Variants in ROBO2 observed in about 807,000 individuals in gnomAD.
ROBO2 encodes roundabout homolog 2.
Under a neutral mutation model 160.8 loss-of-function variants are expected in ROBO2, and 53 were observed. That is an observed-to-expected ratio of 0.33 (90% CI 0.26 to 0.41). The LOEUF is 0.41. Ranked by LOEUF, ROBO2 falls within the 10% of genes least tolerant of loss-of-function variation. The pLI is 1.00. For synonymous variants in ROBO2, 664 were observed against 611.7 expected, an observed-to-expected ratio of 1.09 and a Z score of -1.26; for missense variants, 1,577 against 1,722.4, an observed-to-expected ratio of 0.92 and a Z score of 1.49.
At chr3:75,989,043 T>C (rs915488249) in intron 2 of ROBO2, among the ~76,000 whole-genome samples, 1 of 152,252 alleles carries the variant, frequency 6.6e-6, no homozygotes, top group East Asian at 1.9e-4. Flanking sequence ...ATATGTTAGT[T>C]TTAAAAATGT....
intron 2 of ROBO2, among the ~76,000 whole-genome samples, chr3:76,649,301 A>G (rs2091141517): frequency 1.3e-5 from 2 of 152,170 alleles, no homozygotes; most frequent in Admixed American, 1.3e-4. Flanking sequence ...GCAGAGTGCT[A>G]TGTTGTCCTA....
At chr3:76,882,674 A>G (rs73127298) in intron 2 of ROBO2, among the ~76,000 whole-genome samples, 14,540 of 152,212 alleles carry the variant, frequency 0.096, 782 homozygotes, top group South Asian at 0.15. Flanking sequence ...GTAAGGTTAT[A>G]TGCTTTTAAA....
chr3:76,911,683 A>G (rs1413593361), intron 2 of ROBO2, among the ~76,000 whole-genome samples: 2 of 152,208 alleles, frequency 1.3e-5, no homozygotes, highest in Non-Finnish European at 2.9e-5. Flanking sequence ...GATTTTTTTA[A>G]TTCTCAAAAT....
chr3:76,178,171 C>G (rs1476175340), intron 2 of ROBO2, among the ~76,000 whole-genome samples: 1 of 152,004 alleles, frequency 6.6e-6, no homozygotes, highest in East Asian at 1.9e-4. Context: ...TCCTTTCCAT[C>G]TTAAAAACTT....
At chr3:76,891,680 A>G (rs534684101) in intron 2 of ROBO2, among the ~76,000 whole-genome samples, 1 of 152,314 alleles carries the variant, frequency 6.6e-6, no homozygotes, top group South Asian at 2.1e-4. Flanking sequence ...GAAAACTCAC[A>G]TGAATTGAAG....
chr3:76,322,411 C>A (rs2072640088), intron 2 of ROBO2, among the ~76,000 whole-genome samples: 1 of 151,566 alleles, frequency 6.6e-6, no homozygotes, highest in South Asian at 2.1e-4. Context: ...AAATGTGTAA[C>A]TTGGAGCCTC....
rs141126314 is a variant in ROBO2, at chr3:76,303,155, G to C, written c.109+365553G>C. ...TTTTACAGGTTCAAGCATGTTTGAT[G>C]AGATTTCAAGGCTTATTCTCTATCA... On this transcript the variant is annotated intron_variant, in intron 2 of 26. Transcript: ENST00000487694. Among the ~76,000 whole-genome samples, 40 of 152,170 alleles carry C rather than the reference G, an allele frequency of 2.6e-4. No individual in the cohort carries two copies. The East Asian group carries it at 7.5e-3, about 29-fold the overall frequency.
chr3:76,434,004 T>C, intron 2 of ROBO2: 1 of 980,194 alleles, frequency 1.0e-6, no homozygotes, highest in South Asian at 1.3e-5. Flanking sequence ...GTCAGAACTC[T>C]GAGGTGGTTC....
At chr3:76,728,420 C>T (rs568757519) in intron 2 of ROBO2, among the ~76,000 whole-genome samples, 5 of 152,232 alleles carry the variant, frequency 3.3e-5, no homozygotes, top group African/African-American at 1.2e-4. Flanking sequence ...TAATCCTTTT[C>T]TAAAGTTAAC....
intron 2 of ROBO2, among the ~76,000 whole-genome samples, chr3:77,473,289 AAAT>A (rs898486698): frequency 6.6e-6 from 1 of 151,582 alleles, no homozygotes; most frequent in Non-Finnish European, 1.5e-5. Context: ...CGGAAGAAAA[AAAT>A]AATAATAAGA....
chr3:77,104,003 A>G (rs1420472002), intron 2 of ROBO2, among the ~76,000 whole-genome samples: 3 of 152,208 alleles, frequency 2.0e-5, no homozygotes, highest in Non-Finnish European at 1.5e-5. Context: ...CACAAGATAA[A>G]TTAAATTGCA....
intron 2 of ROBO2, among the ~76,000 whole-genome samples, chr3:76,987,990 G>T (rs903154288): frequency 6.6e-6 from 1 of 151,874 alleles, no homozygotes; most frequent in Admixed American, 6.6e-5. Context: ...TTTTATTTTT[G>T]AAAATTAGAC....
chr3:76,736,220 T>C (rs2093709361), intron 2 of ROBO2, among the ~76,000 whole-genome samples: 1 of 150,836 alleles, frequency 6.6e-6, no homozygotes, highest in African/African-American at 2.5e-5. Flanking sequence ...AGGCGGAGCT[T>C]GCAGTGAGCC....
chr3:76,203,264 C>T (rs1702628027), intron 2 of ROBO2, among the ~76,000 whole-genome samples: 1 of 152,132 alleles, frequency 6.6e-6, no homozygotes, highest in African/African-American at 2.4e-5. Flanking sequence ...TGGAAAGCCA[C>T]AAAAAACTCA....
chr3:77,236,573 G>C (rs1420242496), intron 2 of ROBO2, among the ~76,000 whole-genome samples: 1 of 152,078 alleles, frequency 6.6e-6, no homozygotes, highest in Non-Finnish European at 1.5e-5. Flanking sequence ...GGTTTACATG[G>C]GTACACTATT....
intron 2 of ROBO2, among the ~76,000 whole-genome samples, chr3:76,517,467 T>A (rs2081397350): frequency 6.6e-6 from 1 of 152,148 alleles, no homozygotes; most frequent in Non-Finnish European, 1.5e-5. Context: ...TCAGAAAAGC[T>A]TGAGGCCTTA....
At chr3:77,471,652 C>T (rs114084524) in intron 2 of ROBO2, among the ~76,000 whole-genome samples, 4,583 of 152,234 alleles carry the variant, frequency 0.03, 113 homozygotes, top group Non-Finnish European at 0.041. Flanking sequence ...TGACAATAGA[C>T]ATATTAACAG....
chr3:77,293,492 C>T (rs1253067728), intron 2 of ROBO2, among the ~76,000 whole-genome samples: 1 of 138,496 alleles, frequency 7.2e-6, no homozygotes, highest in South Asian at 2.3e-4. Flanking sequence ...GAGGCTAGAT[C>T]ACCCCAGACA....
At chr3:77,063,559 T>G (rs371849173) in intron 1 of ROBO2, among the ~76,000 whole-genome samples, 2 of 152,326 alleles carry the variant, frequency 1.3e-5, no homozygotes, top group South Asian at 4.1e-4. Context: ...TCTTCCTTTC[T>G]CCTGGATTAT....
Sources: gnomAD v4.1 joint callset for allele counts (sites outside exome capture counted in the v4.1 genomes callset) on GRCh38, gnomAD v4.1.1 for gene constraint, MANE v1.5 for transcripts, NCBI Gene and HGNC (gene_info 2026-07-23, HGNC 2026-07-21) for gene names.